Variants in NIM1K observed in about 807,000 individuals in gnomAD.
NIM1K encodes the protein serine/threonine-protein kinase NIM1.
A neutral mutation model predicts 37.1 loss-of-function variants in NIM1K; 35 were observed. The ratio of observed to expected loss-of-function variants is 0.94; its 90% CI spans 0.72 to 1.25. The LOEUF (loss-of-function observed/expected upper bound fraction) is 1.25, where lower values mean the gene tolerates loss of function less well. NIM1K is among the 50% of genes most tolerant of loss of function. The pLI, the probability that NIM1K is intolerant of heterozygous loss-of-function variation, is 0.00. For missense variants in NIM1K, 564 were observed against 548.0 expected, an observed-to-expected ratio of 1.03 and a Z score of -0.29; for synonymous variants, 234 against 206.6, an observed-to-expected ratio of 1.13 and a Z score of -1.14.
intron 1 of NIM1K, among the ~76,000 whole-genome samples, chr5:43,234,091 T>C (rs1056292773): frequency 6.6e-6 from 1 of 152,232 alleles, no homozygotes; most frequent in Admixed American, 6.5e-5. Flanking sequence ...TTTACTTAAA[T>C]ACACAGTTTT....
chr5:43,201,960 C>A (rs919059833), intron 1 of NIM1K, among the ~76,000 whole-genome samples: 1 of 144,250 alleles, frequency 6.9e-6, no homozygotes, highest in Non-Finnish European at 1.5e-5. Context: ...TCCCTCTGAG[C>A]GAGACTCCCT....
intron 1 of NIM1K, among the ~76,000 whole-genome samples, chr5:43,204,595 C>T (rs1308300375): frequency 2.6e-5 from 4 of 151,508 alleles, no homozygotes; most frequent in Non-Finnish European, 5.9e-5. Flanking sequence ...ACCCCAGTGA[C>T]TTGGGAGGCG....
chr5:43,232,992 A>G lies in NIM1K; in HGVS notation c.-694-12090A>G, dbSNP rs1337140660. The G allele has an allele frequency of 9.4e-6, 11 of 1,169,174 alleles. No individual in the cohort carries two copies. The East Asian group carries it at 2.1e-4, about 22-fold the overall frequency. The allele number at this position is 1,169,174 out of a possible 1,614,324, so 72.4% of individuals were successfully genotyped here. On this transcript the variant is annotated intron_variant, in intron 1 of 3. Coordinates refer to ENST00000326035, the MANE Select transcript of NIM1K (RefSeq NM_153361.4). ...GGTCTAGAAACACTGCCCTGGGCAC[A>G]TGCTTGCCGGAGCCCGTCTCACTGA...
Position 43,232,735 on chromosome 5 carries a change from C to A in NIM1K, c.-694-12347C>A, listed in dbSNP as rs1047044308. On this transcript the variant is annotated intron_variant, in intron 1 of 3. Coordinates refer to ENST00000326035, the MANE Select transcript of NIM1K (RefSeq NM_153361.4). Reference sequence around the variant, plus strand: ...CATGAGCGGGGAGGTGAACCCAGAACCAATTCCTTCACCAAAGCTGTGGAA... The same window carrying A: ...CATGAGCGGGGAGGTGAACCCAGAAACAATTCCTTCACCAAAGCTGTGGAA... 13 of 1,234,766 alleles carry A rather than the reference C, an allele frequency of 1.1e-5. No individual in the cohort carries two copies. The South Asian group carries it at 1.5e-4, about 14-fold the overall frequency. 76.5% of individuals were successfully genotyped at this position (1,234,766 alleles called of 1,614,324 possible).
At chr5:43,196,306 A>G (rs1751913061) in intron 1 of NIM1K, among the ~76,000 whole-genome samples, 1 of 152,158 alleles carries the variant, frequency 6.6e-6, no homozygotes, top group South Asian at 2.1e-4. Flanking sequence ...ATCACAATGC[A>G]TTCACCTAAT....
At chr5:43,265,238 T>C (rs1052612195) in intron 2 of NIM1K, among the ~76,000 whole-genome samples, 4 of 152,242 alleles carry the variant, frequency 2.6e-5, no homozygotes, top group African/African-American at 4.8e-5. Flanking sequence ...ATTCTCTCCG[T>C]CACTTTCAGG....
chr5:43,277,517 G>T (rs993657777), intron 3 of NIM1K, among the ~76,000 whole-genome samples, 192 bp downstream of exon 3: 12 of 152,102 alleles, frequency 7.9e-5, no homozygotes, highest in Admixed American at 6.5e-5. Flanking sequence ...GGGATGTCCA[G>T]TTACACGTCA....
chr5:43,238,952 G>T (rs1455957373), intron 1 of NIM1K, among the ~76,000 whole-genome samples: 1 of 116,982 alleles, frequency 8.5e-6, no homozygotes, highest in South Asian at 3.4e-4. Flanking sequence ...GGAGGGAAAG[G>T]CTGGCGGGGG....
chr5:43,198,884 G>C (rs960623678), intron 1 of NIM1K, among the ~76,000 whole-genome samples: 3 of 152,042 alleles, frequency 2.0e-5, no homozygotes, highest in Admixed American at 6.6e-5. Flanking sequence ...CTGTTGTAAA[G>C]ATTTTTAAAA....
chr5:43,199,384 C>G (rs1041121111), intron 1 of NIM1K, among the ~76,000 whole-genome samples: 16 of 151,648 alleles, frequency 1.1e-4, no homozygotes, highest in Non-Finnish European at 1.5e-4. Flanking sequence ...TCCTGCTTAG[C>G]TAGAAGTTTA....
At chr5:43,235,080 TTTGATA>T (rs1334024829) in intron 1 of NIM1K, among the ~76,000 whole-genome samples, 1 of 152,242 alleles carries the variant, frequency 6.6e-6, no homozygotes, top group East Asian at 1.9e-4. Flanking sequence ...AAAAACTTTA[TTTGATA>T]ACAAAAATGC....
At chr5:43,240,197 C>A (rs1314321435) in intron 1 of NIM1K, 1 of 151,760 alleles carries the variant, frequency 6.6e-6, no homozygotes, top group Non-Finnish European at 1.5e-5. Context: ...CTTTGGCTTC[C>A]TGAGTAGCTG....
At chr5:43,214,295 A>G (rs188026499) in intron 1 of NIM1K, among the ~76,000 whole-genome samples, 25 of 146,804 alleles carry the variant, frequency 1.7e-4, no homozygotes, top group African/African-American at 5.6e-4. Flanking sequence ...AATTATAAGT[A>G]GGCAAAACAA....
At chr5:43,196,453 C>A (rs1251126083) in intron 1 of NIM1K, among the ~76,000 whole-genome samples, 3 of 149,610 alleles carry the variant, frequency 2.0e-5, no homozygotes, top group Non-Finnish European at 4.4e-5. Context: ...ACAGTGAAAC[C>A]CTGTCTCTAC....
At position 43,221,464 on chromosome 5, in the gene NIM1K, A is replaced by AG. The variant is rs1451423615; in HGVS notation, c.-694-23618_-694-23617insG. On this transcript the variant is annotated intron_variant, in intron 1 of 3. Transcript: ENST00000326035. ...GACTGTCTCAAAAAAAAAAAAAAAA[A>AG]AAAAGAAAAGGAAAAAGATAGAAAA... Among the ~76,000 whole-genome samples the AG allele has an allele frequency of 6.6e-5, 10 of 151,732 alleles. No homozygotes were observed. In the East Asian group the frequency reaches 9.8e-4, roughly 15 times the overall value.
chr5:43,265,569 C>T (rs182706071), intron 2 of NIM1K, among the ~76,000 whole-genome samples: 252 of 152,258 alleles, frequency 1.7e-3, no homozygotes, highest in African/African-American at 5.8e-3. Context: ...CGAACATCCT[C>T]CTTTAGCTTG....
intron 1 of NIM1K, among the ~76,000 whole-genome samples, chr5:43,218,542 G>A (rs918800201): frequency 6.6e-6 from 1 of 152,046 alleles, no homozygotes; most frequent in Non-Finnish European, 1.5e-5. Flanking sequence ...GGGAGTGAAA[G>A]AGAGAGGAGG....
chr5:43,220,588 G>A (rs1483027887), intron 1 of NIM1K, among the ~76,000 whole-genome samples: 1 of 151,952 alleles, frequency 6.6e-6, no homozygotes, highest in Non-Finnish European at 1.5e-5. Context: ...GCCCACGGTG[G>A]CTCTCTTTAA....
chr5:43,258,966 A>G (rs1270087646), intron 2 of NIM1K, among the ~76,000 whole-genome samples: 2 of 142,218 alleles, frequency 1.4e-5, no homozygotes, highest in Non-Finnish European at 3.0e-5. Flanking sequence ...ATGCCTTTTC[A>G]TACCCATAGC....
Sources: allele counts gnomAD v4.1 joint callset (sites outside exome capture counted in the v4.1 genomes callset), GRCh38; gene constraint gnomAD v4.1.1; transcripts MANE v1.5; gene names NCBI Gene and HGNC (gene_info 2026-07-23, HGNC 2026-07-21).